The following SMAD2 variants were observed in gnomAD, a reference collection of about 807,000 sequenced individuals.
SMAD2 encodes the protein MAD homolog 2.
Under a neutral mutation model 64.4 loss-of-function variants are expected in SMAD2, and 8 were observed. That is an observed-to-expected ratio of 0.12 (90% confidence interval 0.07 to 0.22). The LOEUF (loss-of-function observed/expected upper bound fraction) is 0.22. SMAD2 is among the 10% of genes least tolerant of loss of function. The probability of loss-of-function intolerance (pLI) is 1.00; values close to 1 mark genes in which losing one functional copy is unlikely to be tolerated. For synonymous variants in SMAD2, 203 were observed against 195.8 expected (o/e 1.04, Z -0.31); for missense variants, 289 against 561.2 (o/e 0.51, Z 4.90).
chr18:47,903,878 G>GA (rs1160893951), intron 1 of SMAD2, among the ~76,000 whole-genome samples: 1 of 126,284 alleles, frequency 7.9e-6, no homozygotes, highest in Non-Finnish European at 1.6e-5. Flanking sequence ...AAACAGTGTG[G>GA]GGGGGGGGGG....
Position 47,829,278 on chromosome 18 carries a change from T to C in SMAD2, c.*12549A>G, listed in dbSNP as rs897047976. ...CAAACAACCATCAATGTCCTATTCATTCATACCTCCATCTACTTCCTCTGT... is the reference window on the plus strand; with the variant it reads ...CAAACAACCATCAATGTCCTATTCACTCATACCTCCATCTACTTCCTCTGT... On this transcript the variant is annotated 3_prime_UTR_variant, in exon 11 of 11. Transcript: ENST00000262160. The C allele has an allele frequency of 2.0e-5, 3 of 152,306 alleles. No homozygotes were observed. Among genetic ancestry groups the C allele is most frequent in the Admixed American group, 6.5e-5 (1 of 15,308 alleles). 9.4% of individuals were successfully genotyped at this position (152,306 alleles called of 1,614,324 possible). A position where few individuals can be genotyped will look rare whatever the true frequency, so the allele number is the denominator to read the frequency against.
chr18:47,854,400 T>C (rs2030461068), intron 6 of SMAD2, among the ~76,000 whole-genome samples: 1 of 151,768 alleles, frequency 6.6e-6, no homozygotes, highest in Non-Finnish European at 1.5e-5. Context: ...CTCAAAAATG[T>C]TTCATCTCAC....
chr18:47,912,820 T>TA (rs202176159), intron 1 of SMAD2, among the ~76,000 whole-genome samples: 2,086 of 32,664 alleles, frequency 0.064, 52 homozygotes, highest in African/African-American at 0.18. Flanking sequence ...GAATTTAGCC[T>TA]AAAAAAAGAA....
At chr18:47,869,508 C>T (rs2144380646) in intron 3 of SMAD2, 72 bp from the exon 4 acceptor site, 1 of 1,009,994 alleles carries the variant, frequency 9.9e-7, no homozygotes. Flanking sequence ...GTCAAATGGG[C>T]TAAATTAGTA....
intron 2 of SMAD2, among the ~76,000 whole-genome samples, chr18:47,888,999 A>G (rs1441274872): frequency 1.3e-5 from 2 of 152,216 alleles, no homozygotes; most frequent in Non-Finnish European, 2.9e-5. Flanking sequence ...ACTGAAGGAT[A>G]TATTTGAAAT....
intron 1 of SMAD2, among the ~76,000 whole-genome samples, chr18:47,909,524 T>C (rs2034038056): frequency 6.6e-6 from 1 of 152,104 alleles, no homozygotes; most frequent in Non-Finnish European, 1.5e-5. Flanking sequence ...CAAAGGACAT[T>C]TATTAGCAAA....
In SMAD2 at chr18:47,841,729, A is replaced by C; in HGVS notation, c.*98T>G. 7.0e-7 allele frequency: 1 copy of C among 1,427,624 alleles called. No individual in the cohort carries two copies. Among genetic ancestry groups the C allele is most frequent in the Non-Finnish European group, 9.8e-7 (1 of 1,016,426 alleles). The allele number at this position is 1,427,624 out of a possible 1,614,324, so 88.4% of individuals were successfully genotyped here. A position where few individuals can be genotyped will look rare whatever the true frequency, so the allele number is the denominator to read the frequency against. ...ACCTCAAGTGCTGTTTTCTCTCTTG[A>C]ACTTTTGGATAGTAAACAGTCCATA... On this transcript the variant is annotated 3_prime_UTR_variant, in exon 11 of 11. Coordinates refer to ENST00000262160, the MANE Select transcript of SMAD2 (RefSeq NM_005901.6).
chr18:47,872,746 TGCC>T (rs1381385697), intron 2 of SMAD2, among the ~76,000 whole-genome samples: 1 of 152,138 alleles, frequency 6.6e-6, no homozygotes, highest in Admixed American at 6.5e-5. Flanking sequence ...ATCTAACTAA[TGCC>T]TGATGACTGA....
At chr18:47,919,819 G>A (rs1456393782) in intron 1 of SMAD2, among the ~76,000 whole-genome samples, 1 of 152,140 alleles carries the variant, frequency 6.6e-6, no homozygotes, top group Non-Finnish European at 1.5e-5. Context: ...GCAGATTTCT[G>A]ATTCCAAAGA....
rs996958037 is a variant in SMAD2 at position 47,819,504 on chromosome 18, A to G, written c.*22323T>C. ...CTCAGTTTTTATAAGTAATCTAGGA[A>G]TAATTGTTAAAAATGAATTGGGGGC... is the stretch of plus-strand genomic sequence containing the variant. On this transcript the variant is annotated 3_prime_UTR_variant, in exon 11 of 11. Transcript: ENST00000262160. 2.6e-5 allele frequency: 4 copies of G among 152,224 alleles called. No individual in the cohort carries two copies. Among genetic ancestry groups the G allele is most frequent in the African/African-American group, 9.6e-5 (4 of 41,460 alleles). The allele number at this position is 152,224 out of a possible 1,614,324, so 9.4% of individuals were successfully genotyped here. A position where few individuals can be genotyped will look rare whatever the true frequency, so the allele number is the denominator to read the frequency against.
intron 2 of SMAD2, chr18:47,895,373 C>CT (rs2033392594): frequency 6.6e-6 from 1 of 152,222 alleles, no homozygotes. Flanking sequence ...CCCAAAGCAG[C>CT]TTTTTAATTC....
intron 6 of SMAD2, among the ~76,000 whole-genome samples, chr18:47,862,908 T>A (rs1305282133): frequency 6.6e-6 from 1 of 152,076 alleles, no homozygotes; most frequent in Non-Finnish European, 1.5e-5. Flanking sequence ...ATCGAACTTA[T>A]AAATTTCTTA....
rs1914429800 is a variant in SMAD2 at position 47,845,691 on chromosome 18, G to A, written c.1107C>T (p.His369=). 1 of 1,613,716 alleles carries A rather than the reference G, an allele frequency of 6.2e-7. No homozygotes were observed. Among genetic ancestry groups the A allele is most frequent in the Non-Finnish European group, 8.5e-7 (1 of 1,179,878 alleles). Residue 369 remains histidine (H), a synonymous_variant, in exon 9 of 11, where the codon CAC becomes CAT. Transcript: ENST00000262160. ...SPNCNQRYGW[H]PATVCKIPPG... The stretch of plus-strand genomic sequence containing the variant: ...GTGGAATTTTACACACTGTTGCAGG[G>A]TGCCAGCCATATCTCTGATTACAAT...
At chr18:47,856,933 C>T (rs1218419487) in intron 6 of SMAD2, among the ~76,000 whole-genome samples, 3 of 147,050 alleles carry the variant, frequency 2.0e-5, no homozygotes, top group African/African-American at 5.0e-5. Context: ...TCTCGGCTCA[C>T]TGCAAGCTCC....
chr18:47,849,923 C>T (rs1158384524), intron 7 of SMAD2, among the ~76,000 whole-genome samples: 4 of 151,554 alleles, frequency 2.6e-5, no homozygotes, highest in African/African-American at 9.7e-5. Flanking sequence ...CAGAGAATTG[C>T]TTGAACCCAG....
intron 1 of SMAD2, among the ~76,000 whole-genome samples, chr18:47,906,309 C>T (rs116602326): frequency 0.015 from 2,348 of 152,144 alleles, 61 homozygotes; most frequent in African/African-American, 0.053. Context: ...TGAACCACTT[C>T]GGGTCCCAAG....
At chr18:47,876,997 A>G (rs2032300815) in intron 2 of SMAD2, among the ~76,000 whole-genome samples, 1 of 152,106 alleles carries the variant, frequency 6.6e-6, no homozygotes, top group African/African-American at 2.4e-5. Flanking sequence ...TTTGGGCAAA[A>G]GGTGGCTCGC....
chr18:47,837,778 T>C lies in SMAD2; in HGVS notation c.*4049A>G, dbSNP rs1259140860. ...GTAAGAAAAAAGTATTCATTGTTCATGTCCACAGACTAGATATCTAAAGAG... is the reference window on the plus strand; with the variant it reads ...GTAAGAAAAAAGTATTCATTGTTCACGTCCACAGACTAGATATCTAAAGAG... On this transcript the variant is annotated 3_prime_UTR_variant, in exon 11 of 11. Transcript: ENST00000262160. 4.3e-6 allele frequency: 1 copy of C among 232,894 alleles called. No individual in the cohort carries two copies. Among genetic ancestry groups the C allele is most frequent in the Non-Finnish European group, 8.5e-6 (1 of 117,868 alleles). 14.4% of individuals were successfully genotyped at this position (232,894 alleles called of 1,614,324 possible). A position where few individuals can be genotyped will look rare whatever the true frequency, so the allele number is the denominator to read the frequency against.
intron 1 of SMAD2, among the ~76,000 whole-genome samples, chr18:47,919,469 TAC>T (rs66523523): frequency 0.051 from 6,616 of 129,676 alleles, 215 homozygotes; most frequent in Non-Finnish European, 0.064. Flanking sequence ...AAAAAAAAAA[TAC>T]ACACACACAC....
Sources: allele counts gnomAD v4.1 joint callset (sites outside exome capture counted in the v4.1 genomes callset), GRCh38; gene constraint gnomAD v4.1.1; transcripts MANE v1.5; gene names NCBI Gene and HGNC (gene_info 2026-07-23, HGNC 2026-07-21).